The following LRRC4C variants were observed in gnomAD, a reference collection of about 807,000 sequenced individuals.
LRRC4C encodes leucine-rich repeat-containing protein 4C.
LRRC4C carries 5 observed loss-of-function variants against 33.6 expected under a neutral mutation model. The ratio of observed to expected loss-of-function variants is 0.15; its 90% CI spans 0.08 to 0.31. The LOEUF is 0.31. LRRC4C is among the 10% of genes least tolerant of loss of function. The probability of loss-of-function intolerance (pLI) is 1.00; values close to 1 mark genes in which losing one functional copy is unlikely to be tolerated. For missense variants in LRRC4C, 560 were observed against 796.7 expected (o/e 0.70, Z 3.58); for synonymous variants, 329 against 302.0 (o/e 1.09, Z -0.93).
intron 5 of LRRC4C, among the ~76,000 whole-genome samples, chr11:40,149,042 G>T (rs1190749285): frequency 6.6e-6 from 1 of 152,088 alleles, no homozygotes; most frequent in Non-Finnish European, 1.5e-5. Context: ...TAATGTGTCT[G>T]TTTTTGTACC....
Position 40,798,645 on chromosome 11 carries a change from C to CT in LRRC4C, c.-407+134989dup, listed in dbSNP as rs11341571. On this transcript the variant is annotated intron_variant, in intron 2 of 6. Transcript: ENST00000528697. ...TGTTTCTTTTTAAGTTTCTTTCTTT[C>CT]TTTTTTTTTTTTTTTGAGATGGAGT... is the stretch of plus-strand genomic sequence containing the variant. Among the ~76,000 whole-genome samples the CT allele has an allele frequency of 2.6e-3, 354 of 137,734 alleles. 3 individuals are homozygous for CT. Among genetic ancestry groups the CT allele is most frequent in the East Asian group, 9.8e-3 (47 of 4,788 alleles). The allele number at this position is 137,734 out of a possible 152,430, so 90.4% of individuals were successfully genotyped here. A position where few individuals can be genotyped will look rare whatever the true frequency, so the allele number is the denominator to read the frequency against.
intron 1 of LRRC4C, among the ~76,000 whole-genome samples, chr11:41,015,905 G>A (rs1457809549): frequency 6.6e-6 from 1 of 152,050 alleles, no homozygotes; most frequent in Non-Finnish European, 1.5e-5. Flanking sequence ...CAGGAGAATG[G>A]CGTGAACTCG....
intron 1 of LRRC4C, among the ~76,000 whole-genome samples, chr11:40,996,260 G>A (rs1853968052): frequency 6.6e-6 from 1 of 152,102 alleles, no homozygotes; most frequent in African/African-American, 2.4e-5. Flanking sequence ...CTACACATGT[G>A]CTGACAATGG....
At chr11:41,280,239 G>A (rs949210859) in intron 1 of LRRC4C, among the ~76,000 whole-genome samples, 1 of 152,144 alleles carries the variant, frequency 6.6e-6, no homozygotes, top group South Asian at 2.1e-4. Flanking sequence ...TTCTCACCAC[G>A]AAAGTCAGGC....
chr11:41,419,579 C>T (rs142028714), intron 1 of LRRC4C, among the ~76,000 whole-genome samples: 164 of 151,866 alleles, frequency 1.1e-3, no homozygotes, highest in African/African-American at 2.9e-3. Context: ...ACCCAGAGAC[C>T]GTAACTAATG....
intron 1 of LRRC4C, among the ~76,000 whole-genome samples, chr11:40,945,281 A>G (rs1271003303): frequency 1.3e-5 from 2 of 151,558 alleles, no homozygotes; most frequent in African/African-American, 4.8e-5. Context: ...CGGCCTCCCA[A>G]AGTGCTGGGA....
intron 1 of LRRC4C, among the ~76,000 whole-genome samples, chr11:41,138,351 G>T (rs1471092836): frequency 6.6e-6 from 1 of 152,186 alleles, no homozygotes; most frequent in Non-Finnish European, 1.5e-5. Context: ...TGAATGGTCA[G>T]GAGAGTCACT....
intron 5 of LRRC4C, among the ~76,000 whole-genome samples, chr11:40,208,243 A>G (rs995453855): frequency 2.0e-5 from 3 of 152,190 alleles, no homozygotes; most frequent in Non-Finnish European, 2.9e-5. Flanking sequence ...TCAAAACACT[A>G]CAAAATTACA....
Position 40,245,972 on chromosome 11 carries a change from C to CT in LRRC4C, c.-175-4375dup, listed in dbSNP as rs556019520. On this transcript the variant is annotated intron_variant, in intron 4 of 6. Coordinates refer to ENST00000528697, the MANE Select transcript of LRRC4C (RefSeq NM_001258419.2). ...ATGATACATATTGTTAAAGTCCTAACTTTTTTTTTTTTTTTTTGAGATGGA... is the reference window on the plus strand; with the variant it reads ...ATGATACATATTGTTAAAGTCCTAACTTTTTTTTTTTTTTTTTTGAGATGGA... Among the ~76,000 whole-genome samples the CT allele has an allele frequency of 6.1e-3, 803 of 132,112 alleles. 10 individuals carry two copies. Among genetic ancestry groups the CT allele is most frequent in the African/African-American group, 0.02 (736 of 37,132 alleles). 86.7% of individuals were successfully genotyped at this position (132,112 alleles called of 152,430 possible).
At chr11:40,264,508 T>C (rs971587950) in intron 4 of LRRC4C, among the ~76,000 whole-genome samples, 4 of 152,194 alleles carry the variant, frequency 2.6e-5, no homozygotes, top group African/African-American at 4.8e-5. Flanking sequence ...AAGAGCTACC[T>C]GCATATTCAT....
chr11:40,666,749 A>G (rs4237682), intron 2 of LRRC4C, among the ~76,000 whole-genome samples: 54,849 of 151,826 alleles, frequency 0.36, 11,432 homozygotes, highest in East Asian at 0.6. Flanking sequence ...GAAAAGAGCA[A>G]TTAGAAAATC....
At chr11:40,999,239 C>A (rs936359340) in intron 1 of LRRC4C, among the ~76,000 whole-genome samples, 2 of 152,106 alleles carry the variant, frequency 1.3e-5, no homozygotes, top group African/African-American at 4.8e-5. Context: ...ATTCCCTGCA[C>A]ACCTCGCTCA....
chr11:40,717,548 A>G (rs1442952087), intron 2 of LRRC4C, among the ~76,000 whole-genome samples: 2 of 152,132 alleles, frequency 1.3e-5, no homozygotes, highest in African/African-American at 2.4e-5. Context: ...GGTTGAAAAT[A>G]ACATGGGGTT....
At position 40,175,554 on chromosome 11, in the gene LRRC4C, C is replaced by T. The variant is rs952910594; in HGVS notation, c.-95-34701G>A. On this transcript the variant is annotated intron_variant, in intron 5 of 6. Transcript: ENST00000528697. ...CATCAAGGCAGACTCAGACTTGAAA[C>T]CAACCTCTTCCTCTGCAGAGTGATG... Among the ~76,000 whole-genome samples, 3 of 152,178 alleles carry T rather than the reference C, an allele frequency of 2.0e-5. No individual in the cohort carries two copies. The East Asian group carries it at 5.8e-4, about 29-fold the overall frequency.
intron 1 of LRRC4C, among the ~76,000 whole-genome samples, chr11:41,304,911 G>C (rs1341082607): frequency 2.0e-5 from 1 of 50,258 alleles, no homozygotes; most frequent in East Asian, 7.6e-4. Flanking sequence ...ATCCGGGAGG[G>C]AGGTGGGGGG....
chr11:40,554,079 C>T lies in LRRC4C; in HGVS notation c.-270+94063G>A, dbSNP rs534856684. 4.6e-5 allele frequency among the ~76,000 whole-genome samples: 7 copies of T among 152,272 alleles called. No homozygotes were observed. The South Asian group carries it at 8.3e-4, about 18-fold the overall frequency. ...AGGATTTGTATAGTTTGAGGTCCTA[C>T]ATTTAAGCCTTTAATCCATCCTGAG... On this transcript the variant is annotated intron_variant, in intron 3 of 6. Transcript: ENST00000528697.
At chr11:40,314,052 C>T (rs1945459088) in intron 4 of LRRC4C, among the ~76,000 whole-genome samples, 1 of 151,840 alleles carries the variant, frequency 6.6e-6, no homozygotes, top group Admixed American at 6.6e-5. Context: ...AAACAATGAA[C>T]AGAATGAAAA....
chr11:40,725,497 A>G (rs1299652946), intron 2 of LRRC4C, among the ~76,000 whole-genome samples: 1 of 151,758 alleles, frequency 6.6e-6, no homozygotes, highest in Non-Finnish European at 1.5e-5. Context: ...GCCTGGACAA[A>G]AGAGCGAGAC....
chr11:40,321,014 C>T (rs1945818213), intron 3 of LRRC4C, among the ~76,000 whole-genome samples: 1 of 152,070 alleles, frequency 6.6e-6, no homozygotes, highest in South Asian at 2.1e-4. Flanking sequence ...GAGTTTAGTA[C>T]AATTTTATTT....
Sources: gnomAD v4.1 joint callset for allele counts (sites outside exome capture counted in the v4.1 genomes callset) on GRCh38, gnomAD v4.1.1 for gene constraint, MANE v1.5 for transcripts, NCBI Gene and HGNC (gene_info 2026-07-23, HGNC 2026-07-21) for gene names.